The following NOSTRIN variants were observed in gnomAD, a reference collection of about 807,000 sequenced individuals.
NOSTRIN encodes the protein nitric oxide synthase trafficking.
Under a neutral mutation model 59.0 loss-of-function variants are expected in NOSTRIN, and 63 were observed. That is an observed-to-expected ratio of 1.07 (90% CI 0.87 to 1.32). NOSTRIN has a LOEUF of 1.32. Among genes scored for constraint, NOSTRIN ranks in the 40% most tolerant of loss-of-function variants. NOSTRIN has a pLI of 0.00. For missense variants in NOSTRIN, 512 were observed against 473.1 expected (o/e 1.08, Z -0.76); for synonymous variants, 200 against 165.4 (o/e 1.21, Z -1.61).
Position 168,865,183 on chromosome 2 carries a change from G to A in NOSTRIN, c.*213G>A. 1.8e-6 allele frequency: 1 copy of A among 554,116 alleles called. No homozygotes were observed. The highest frequency in any genetic ancestry group is 3.1e-6 in the Non-Finnish European group (1 of 319,656). The allele number at this position is 554,116 out of a possible 1,614,324, so 34.3% of individuals were successfully genotyped here. A position where few individuals can be genotyped will look rare whatever the true frequency, so the allele number is the denominator to read the frequency against. On this transcript the variant is annotated 3_prime_UTR_variant, in exon 16 of 16. Transcript: ENST00000317647. ...AGACAGACAAGGAAGAGGCTCCTTG[G>A]TTCCTAGAGGAGTTTCCAAATTCTA...
chr2:168,810,379 G>C (rs1393790105), intron 1 of NOSTRIN, among the ~76,000 whole-genome samples: 1 of 152,086 alleles, frequency 6.6e-6, no homozygotes, highest in Non-Finnish European at 1.5e-5. Flanking sequence ...GTAGGGACCT[G>C]GATTACCTCA....
chr2:168,852,545 A>G (rs1688832080), intron 10 of NOSTRIN, among the ~76,000 whole-genome samples: 1 of 152,156 alleles, frequency 6.6e-6, no homozygotes, highest in Non-Finnish European at 1.5e-5. Context: ...GTCCTCTGCC[A>G]TATTTTATTC....
At chr2:168,798,571 A>G (rs1305814704), upstream of NOSTRIN, among the ~76,000 whole-genome samples, 1 of 152,172 alleles carries the variant, frequency 6.6e-6, no homozygotes, top group Non-Finnish European at 1.5e-5. Context: ...CCATACCAGG[A>G]AGGCACATGC....
At chr2:168,837,868 A>G (rs1318750839) in intron 7 of NOSTRIN, among the ~76,000 whole-genome samples, 1 of 152,134 alleles carries the variant, frequency 6.6e-6, no homozygotes, top group Admixed American at 6.5e-5. Context: ...GTAACAACTA[A>G]TGCTTTTATT....
chr2:168,849,149 G>GGGCCTTGAGACA (rs1350944540), intron 8 of NOSTRIN, among the ~76,000 whole-genome samples: 8 of 152,110 alleles, frequency 5.3e-5, no homozygotes, highest in Non-Finnish European at 1.2e-4. Context: ...GCACTGCCAA[G>GGGCCTTGAGACA]GGCCTTGAGA....
At chr2:168,807,136 C>G (rs1055471625) in intron 1 of NOSTRIN, among the ~76,000 whole-genome samples, 1 of 152,056 alleles carries the variant, frequency 6.6e-6, no homozygotes, top group Admixed American at 6.6e-5. Flanking sequence ...TCCATGGAAC[C>G]CTTTCAGAGT....
intron 8 of NOSTRIN, 47 bp from the exon 9 acceptor site, chr2:168,851,037 T>C (rs766542322): frequency 9.1e-7 from 1 of 1,094,856 alleles, no homozygotes; most frequent in Admixed American, 1.7e-5. Context: ...TGACTTCCAT[T>C]TTGCATAACA....
chr2:168,841,032 C>T lies in NOSTRIN; in HGVS notation c.505-1960C>T, dbSNP rs192267919. ...TTTTGGGAGGCTGAGGTAGACAGAT[C>T]GCTTGAGCCCAGGAGTTGGAGACCA... On this transcript the variant is annotated intron_variant, in intron 7 of 15. Coordinates refer to ENST00000317647, the MANE Select transcript of NOSTRIN (RefSeq NM_001039724.4). Among the ~76,000 whole-genome samples, 743 of 151,844 alleles carry T rather than the reference C, an allele frequency of 4.9e-3. 8 individuals are homozygous for T. Among genetic ancestry groups the T allele is most frequent in the Non-Finnish European group, 6.1e-3 (414 of 67,896 alleles).
At chr2:168,854,201 G>A (rs1441600660) in intron 10 of NOSTRIN, among the ~76,000 whole-genome samples, 4 of 152,182 alleles carry the variant, frequency 2.6e-5, no homozygotes, top group African/African-American at 9.7e-5. Flanking sequence ...AATGTGCAAT[G>A]AAAAATATGT....
At chr2:168,863,776 CCAAA>C (rs763069222) in intron 15 of NOSTRIN, 2 of 467,920 alleles carry the variant, frequency 4.3e-6, no homozygotes, top group African/African-American at 2.1e-5. Flanking sequence ...AGCCAACACG[CCAAA>C]CAATCAAAAA....
Position 168,860,855 on chromosome 2 carries a change from A to G in NOSTRIN, c.1240A>G (p.Ile414Val). Residue 414 changes from isoleucine to valine, a missense_variant, in exon 14 of 16, where the codon ATT becomes GTT. Coordinates refer to ENST00000317647, the MANE Select transcript of NOSTRIN (RefSeq NM_001039724.4). ...TTTTTTAATGAAGAGATTAGAGAAT[A>G]TTGTGAGCAAGGCATCTTCTGGTGG... ...RPFLMKRLEN[I>V]VSKASSGGQS... 2 of 1,614,058 alleles carry G rather than the reference A, an allele frequency of 1.2e-6. No individual in the cohort carries two copies. Among genetic ancestry groups the G allele is most frequent in the South Asian group, 1.1e-5 (1 of 91,084 alleles).
chr2:168,840,710 TAG>T (rs938794461), intron 7 of NOSTRIN, among the ~76,000 whole-genome samples: 2 of 152,108 alleles, frequency 1.3e-5, no homozygotes, highest in African/African-American at 2.4e-5. Flanking sequence ...TGCCCTTAAA[TAG>T]AGAGAGTCCA....
At position 168,845,672 on chromosome 2, in the gene NOSTRIN, ATC is replaced by A. The variant is rs751379384; in HGVS notation, c.630+2559_630+2560del. Among the ~76,000 whole-genome samples the A allele has an allele frequency of 8.5e-5, 13 of 152,052 alleles. No homozygotes were observed. The East Asian group carries it at 1.5e-3, about 18-fold the overall frequency. On this transcript the variant is annotated intron_variant, in intron 8 of 15. Transcript: ENST00000317647. ...TTTATGTTGAAGCATCATGGAAATT[ATC>A]TCTTTTCTTACAGTCTTCCTGATGG...
chr2:168,811,474 A>G, intron 1 of NOSTRIN, 93 bp from the exon 2 acceptor site: 1 of 556,108 alleles, frequency 1.8e-6, no homozygotes, highest in Non-Finnish European at 3.2e-6. Flanking sequence ...AGTCATAGTT[A>G]TAGTAGTTTT....
intron 15 of NOSTRIN, chr2:168,863,628 G>GAGTT (rs1445679618): frequency 8.1e-6 from 8 of 983,998 alleles, no homozygotes; most frequent in Middle Eastern, 5.2e-4. Context: ...GTTGAATGGG[G>GAGTT]AGTTACATTT....
At chr2:168,858,222 C>G (rs1689237323) in intron 12 of NOSTRIN, among the ~76,000 whole-genome samples, 1 of 152,140 alleles carries the variant, frequency 6.6e-6, no homozygotes, top group Admixed American at 6.5e-5. Context: ...GTGGAGGACA[C>G]AAGGAGGGAG....
intron 2 of NOSTRIN, among the ~76,000 whole-genome samples, chr2:168,822,572 C>A (rs528478760): frequency 1.2e-3 from 190 of 152,170 alleles, no homozygotes; most frequent in African/African-American, 4.3e-3. Flanking sequence ...CTGAAAAATG[C>A]AATGAAAACT....
At chr2:168,855,176 A>T (rs1235011803) in intron 10 of NOSTRIN, among the ~76,000 whole-genome samples, 176 bp from the exon 11 acceptor site, 3 of 152,240 alleles carry the variant, frequency 2.0e-5, no homozygotes, top group Non-Finnish European at 4.4e-5. Flanking sequence ...TTTCTTATTC[A>T]TCAGGTCTCG....
chr2:168,818,255 G>A (rs916810858), intron 2 of NOSTRIN: 18 of 430,424 alleles, frequency 4.2e-5, no homozygotes, highest in African/African-American at 2.0e-4. Flanking sequence ...CTGTGCTCGC[G>A]AACTCCTCTC....
Sources: gnomAD v4.1 joint callset for allele counts (sites outside exome capture counted in the v4.1 genomes callset) on GRCh38, gnomAD v4.1.1 for gene constraint, MANE v1.5 for transcripts, NCBI Gene and HGNC (gene_info 2026-07-23, HGNC 2026-07-21) for gene names.